MGA: variants seen among roughly 807,000 people sequenced by gnomAD.
MGA encodes the protein MAX dimerization protein MGA, also known as MAX gene-associated protein.
MGA carries 40 observed loss-of-function variants against 261.1 expected under a neutral mutation model. The ratio of observed to expected loss-of-function variants is 0.15; its 90% CI spans 0.12 to 0.20. The LOEUF (loss-of-function observed/expected upper bound fraction) is 0.20. MGA is among the 10% of genes least tolerant of loss of function. The pLI, the probability that MGA is intolerant of heterozygous loss-of-function variation, is 1.00. For missense variants in MGA, 3,397 were observed against 3,630.5 expected (o/e 0.94, Z 1.65); for synonymous variants, 1,302 against 1,290.6 (o/e 1.01, Z -0.19).
At chr15:41,719,497 T>C (rs2060826242) in intron 9 of MGA, among the ~76,000 whole-genome samples, 1 of 152,130 alleles carries the variant, frequency 6.6e-6, no homozygotes, top group African/African-American at 2.4e-5. Context: ...TCCCAGCACT[T>C]CAGGAGGCCG....
Position 41,631,268 on chromosome 15 carries a change from G to A in MGA, c.-68+9970G>A, listed in dbSNP as rs896826178. Among the ~76,000 whole-genome samples, 136 of 151,956 alleles carry A rather than the reference G, an allele frequency of 8.9e-4. 1 individual carries two copies. Among genetic ancestry groups the A allele is most frequent in the African/African-American group, 3.2e-3 (132 of 41,366 alleles). On this transcript the variant is annotated intron_variant, in intron 1 of 8. Transcript: ENST00000566718. ...TCTGCATTTTCTCTTATCCTTTAAC[G>A]TTTCTAGTTTCAATAAGATATTGAT... is the stretch of plus-strand genomic sequence containing the variant.
intron 1 of MGA, among the ~76,000 whole-genome samples, chr15:41,649,238 T>C (rs545377984): frequency 6.6e-6 from 1 of 151,850 alleles, no homozygotes; most frequent in African/African-American, 2.4e-5. Context: ...AAAAATTAGC[T>C]GGTCATGGTG....
chr15:41,736,726 G>A (rs192087315), intron 13 of MGA, 28 bp downstream of exon 13: 9 of 1,553,950 alleles, frequency 5.8e-6, no homozygotes, highest in Admixed American at 1.9e-5. Context: ...TCTGGGTATA[G>A]CACCTTTGTA....
intron 9 of MGA, among the ~76,000 whole-genome samples, 187 bp from the exon 10 acceptor site, chr15:41,726,993 T>C (rs1443268944): frequency 6.6e-6 from 1 of 152,214 alleles, no homozygotes; most frequent in Non-Finnish European, 1.5e-5. Flanking sequence ...AATAAATATT[T>C]AAAGATGAAT....
At chr15:41,647,605 C>T (rs533619695) in intron 1 of MGA, among the ~76,000 whole-genome samples, 6 of 152,186 alleles carry the variant, frequency 3.9e-5, no homozygotes, top group Non-Finnish European at 7.3e-5. Context: ...CTCTTCTCTT[C>T]CTTTTTCCTA....
chr15:41,629,993 C>T (rs1387591127), intron 1 of MGA, among the ~76,000 whole-genome samples: 2 of 152,248 alleles, frequency 1.3e-5, no homozygotes, highest in Non-Finnish European at 2.9e-5. Context: ...TTGTCACTTT[C>T]CTGCCTGAAG....
At chr15:41,722,294 T>A (rs1368946584) in intron 9 of MGA, among the ~76,000 whole-genome samples, 1 of 152,042 alleles carries the variant, frequency 6.6e-6, no homozygotes, top group Non-Finnish European at 1.5e-5. Flanking sequence ...CACACCCGGC[T>A]AATTTTTTGT....
intron 3 of MGA, among the ~76,000 whole-genome samples, chr15:41,697,368 T>C (rs1460830317): frequency 3.3e-5 from 5 of 152,060 alleles, no homozygotes; most frequent in Non-Finnish European, 5.9e-5. Flanking sequence ...ACTAACTCTT[T>C]GGTGACGCTC....
In MGA at chr15:41,757,442, G is replaced by A. The variant is rs184833501; in HGVS notation, c.7140-346G>A. Among the ~76,000 whole-genome samples, 337 of 152,292 alleles carry A rather than the reference G, an allele frequency of 2.2e-3. 1 individual carries two copies. Among genetic ancestry groups the A allele is most frequent in the Non-Finnish European group, 4.1e-3 (277 of 68,008 alleles). The stretch of plus-strand genomic sequence containing the variant: ...ATAGTATACAGGAGGAGGTGCCTAT[G>A]TTATATGCAAATACTATGCCATTTT... On this transcript the variant is annotated intron_variant, in intron 18 of 23. Transcript: ENST00000219905.
intron 2 of MGA, 126 bp downstream of exon 2, chr15:41,670,084 C>T (rs958685103): frequency 4.1e-6 from 3 of 740,046 alleles, no homozygotes; most frequent in Non-Finnish European, 6.4e-6. Flanking sequence ...ATAAAATATA[C>T]TACAACTGCT....
intron 11 of MGA, among the ~76,000 whole-genome samples, chr15:41,731,222 A>G (rs2061492548): frequency 6.6e-6 from 1 of 152,174 alleles, no homozygotes; most frequent in Non-Finnish European, 1.5e-5. Context: ...AGCATTATTA[A>G]TGACCACTTT....
rs964026312 is a variant in MGA at position 41,726,011 on chromosome 15, A to G, written c.3431-1169A>G. Among the ~76,000 whole-genome samples the G allele has an allele frequency of 1.4e-4, 21 of 152,366 alleles. No individual in the cohort carries two copies. The East Asian group carries it at 3.7e-3, about 27-fold the overall frequency. On this transcript the variant is annotated intron_variant, in intron 9 of 23. Transcript: ENST00000219905. ...AAAAATGCATATATTGGTCTATAACATGACATTTTGATGTAAATTGTAGAA... is the reference window on the plus strand; with the variant it reads ...AAAAATGCATATATTGGTCTATAACGTGACATTTTGATGTAAATTGTAGAA...
At chr15:41,648,692 T>C (rs28706992) in intron 1 of MGA, among the ~76,000 whole-genome samples, 1,566 of 152,216 alleles carry the variant, frequency 0.01, 8 homozygotes, top group Non-Finnish European at 0.014. Flanking sequence ...ATTTGAGAAA[T>C]AGAAGGTCAT....
intron 1 of MGA, among the ~76,000 whole-genome samples, chr15:41,644,475 G>GTGTGT: frequency 6.6e-6 from 1 of 151,834 alleles, no homozygotes; most frequent in Non-Finnish European, 1.5e-5. Context: ...GGTCAACATG[G>GTGTGT]TGAAACCCTG....
intron 2 of MGA, among the ~76,000 whole-genome samples, chr15:41,672,299 A>G (rs765416978): frequency 3.9e-5 from 6 of 152,134 alleles, no homozygotes; most frequent in Non-Finnish European, 7.4e-5. Flanking sequence ...GACTACAGGC[A>G]TGCACCACCA....
chr15:41,689,903 T>C (rs2059177911), intron 2 of MGA, among the ~76,000 whole-genome samples: 1 of 152,196 alleles, frequency 6.6e-6, no homozygotes, highest in South Asian at 2.1e-4. Context: ...TTAAAAACTT[T>C]AAAAATTGAG....
In MGA at chr15:41,696,025, T is replaced by C. The variant is rs550144461; in HGVS notation, c.1065-50T>C. 3.0e-6 allele frequency: 4 copies of C among 1,313,154 alleles called. No individual in the cohort carries two copies. In the African/African-American group the frequency reaches 5.9e-5, roughly 19 times the overall value. 81.3% of individuals were successfully genotyped at this position (1,313,154 alleles called of 1,614,324 possible). A position where few individuals can be genotyped will look rare whatever the true frequency, so the allele number is the denominator to read the frequency against. ...TTTTTTTTTTCTCTTCAAGTCTTGT[T>C]AATGGATCATTTTGTACTTTTAAAA... On this transcript the variant is annotated intron_variant, in intron 2 of 23. Transcript: ENST00000219905.
In MGA at chr15:41,736,206, T is replaced by G. The variant is rs1334427177; in HGVS notation, c.3942T>G (p.Asn1314Lys). 1.3e-6 allele frequency: 2 copies of G among 1,578,336 alleles called. No homozygotes were observed. Among genetic ancestry groups the G allele is most frequent in the African/African-American group, 1.4e-5 (1 of 73,466 alleles). The change falls in exon 13 of 24, where the codon AAT becomes AAG. Residue 1314 changes from asparagine (N) to lysine (K), a missense_variant. Asn to Lys is a moderately conservative substitution (Grantham distance 94, BLOSUM62 0). Around this residue, in one of 9 missense-constraint regions of MGA, gnomAD observed 1,410 missense variants for 1,386.4 expected, o/e 1.02. Coordinates refer to ENST00000219905, the MANE Select transcript of MGA (RefSeq NM_001164273.2). Reference sequence around the variant, plus strand: ...AAAAGAGCTGGAAGTCTTCCTGCAATGAAGGAGAATCCTCTTCTACTTCTT... The same window carrying G: ...AAAAGAGCTGGAAGTCTTCCTGCAAGGAAGGAGAATCCTCTTCTACTTCTT...
chr15:41,626,952 C>T (rs757477468), intron 1 of MGA, among the ~76,000 whole-genome samples: 3 of 152,136 alleles, frequency 2.0e-5, no homozygotes, highest in Non-Finnish European at 4.4e-5. Context: ...GCAGCCTCTG[C>T]CTCCTGGGTT....
Sources: allele counts gnomAD v4.1 joint callset (sites outside exome capture counted in the v4.1 genomes callset), GRCh38; gene constraint gnomAD v4.1.1; regional missense constraint gnomAD v4.1.1; transcripts MANE v1.5; gene names NCBI Gene and HGNC (gene_info 2026-07-23, HGNC 2026-07-21).